ABCA10: variants seen among roughly 807,000 people sequenced by gnomAD.
ABCA10 encodes the protein ATP binding cassette subfamily A member 10.
ABCA10 carries 169 observed loss-of-function variants against 187.5 expected under a neutral mutation model. The ratio of observed to expected loss-of-function variants is 0.90; its 90% CI spans 0.80 to 1.02. ABCA10 has a LOEUF of 1.02. Among genes scored for constraint, ABCA10 ranks in the 50% least tolerant of loss-of-function variants. The pLI is 0.00. For missense variants in ABCA10, 1,727 were observed against 1,812.4 expected, an observed-to-expected ratio of 0.95 and a Z score of 0.86; for synonymous variants, 574 against 601.8, an observed-to-expected ratio of 0.95 and a Z score of 0.68.
At chr17:69,230,856 TTTA>T (rs1395254194), upstream of ABCA10, among the ~76,000 whole-genome samples, 3 of 152,188 alleles carry the variant, frequency 2.0e-5, no homozygotes, top group South Asian at 2.1e-4. Flanking sequence ...CTCTTTTTAT[TTTA>T]TTGTTAATTT....
At chr17:69,174,862 T>G in intron 23 of ABCA10, 85 bp from the exon 24 acceptor site, 1 of 1,240,246 alleles carries the variant, frequency 8.1e-7, no homozygotes, top group Non-Finnish European at 1.1e-6. Flanking sequence ...TTAATAAATT[T>G]TAGAAATAGT....
At chr17:69,226,047 G>A (rs1305934364) in intron 2 of ABCA10, among the ~76,000 whole-genome samples, 1 of 152,066 alleles carries the variant, frequency 6.6e-6, no homozygotes, top group South Asian at 2.1e-4. Flanking sequence ...AAGACATTTT[G>A]GGGGAAATTT....
intron 22 of ABCA10, among the ~76,000 whole-genome samples, chr17:69,180,023 T>C (rs2074367188): frequency 6.6e-6 from 1 of 152,234 alleles, no homozygotes; most frequent in African/African-American, 2.4e-5. Flanking sequence ...AAAGGCTAAC[T>C]GTAACATGCT....
At chr17:69,156,788 A>G (rs182833512) in intron 28 of ABCA10, 44 bp downstream of exon 28, 15 of 1,159,722 alleles carry the variant, frequency 1.3e-5, no homozygotes, top group African/African-American at 1.1e-4. Flanking sequence ...TAAAAAGACT[A>G]AATATTTAGA....
rs779344518 is a variant in ABCA10 at position 69,219,786 on chromosome 17, T to C, written c.304-15A>G. On this transcript the variant is annotated splice_polypyrimidine_tract_variant and intron_variant, in intron 5 of 38. Coordinates refer to ENST00000690296, the MANE Select transcript of ABCA10 (RefSeq NM_001377321.1). ...TTTGTTGTGACCTAAATTGGGACAT[T>C]AGCAAATTTATTATGTGAACTATAG... is the stretch of plus-strand genomic sequence containing the variant. 2 of 1,502,046 alleles carry C rather than the reference T, an allele frequency of 1.3e-6. No individual in the cohort carries two copies. The highest frequency in any genetic ancestry group is 2.8e-5 in the African/African-American group (2 of 71,318). The allele number at this position is 1,502,046 out of a possible 1,614,324, so 93.0% of individuals were successfully genotyped here.
intron 19 of ABCA10, among the ~76,000 whole-genome samples, chr17:69,185,975 CT>C (rs1350896495): frequency 2.6e-5 from 4 of 152,128 alleles, no homozygotes; most frequent in Non-Finnish European, 5.9e-5. Context: ...TGCTTGGGTA[CT>C]TTTGATGAGA....
intron 1 of ABCA10, among the ~76,000 whole-genome samples, chr17:69,238,531 G>T (rs975544746): frequency 1.3e-5 from 2 of 152,190 alleles, no homozygotes; most frequent in Non-Finnish European, 2.9e-5. Context: ...TAGGATTTTA[G>T]TTATTATCTA....
chr17:69,192,788 G>T, intron 15 of ABCA10, 135 bp from the exon 16 acceptor site: 1 of 784,950 alleles, frequency 1.3e-6, no homozygotes, highest in Non-Finnish European at 2.0e-6. Context: ...GCCCCTGGGT[G>T]CAGTATCATT....
At chr17:69,187,182 C>T (rs2074428021) in intron 19 of ABCA10, among the ~76,000 whole-genome samples, 1 of 152,124 alleles carries the variant, frequency 6.6e-6, no homozygotes, top group Non-Finnish European at 1.5e-5. Flanking sequence ...TCAGCTGAAA[C>T]CAATATGGCC....
rs1227451701 is a variant in ABCA10 at position 69,197,061 on chromosome 17, T to C, written c.1234+3A>G. ...GAGAGGGAGAGGGAGTTTTTCTTTT[T>C]ACCTTGCAATGCTTCTACTTTTCCA... On this transcript the variant is annotated splice_donor_region_variant and intron_variant, in intron 11 of 38. Coordinates refer to ENST00000690296, the MANE Select transcript of ABCA10 (RefSeq NM_001377321.1). 7.0e-6 allele frequency: 11 copies of C among 1,568,910 alleles called. No individual in the cohort carries two copies. The highest frequency in any genetic ancestry group is 2.3e-5 in the East Asian group (1 of 44,338).
At chr17:69,225,927 G>A (rs552818060) in intron 2 of ABCA10, among the ~76,000 whole-genome samples, 1 of 152,004 alleles carries the variant, frequency 6.6e-6, no homozygotes, top group East Asian at 1.9e-4. Flanking sequence ...AGATGATAAA[G>A]GGATGACTTA....
chr17:69,195,206 T>A (rs2074489011), intron 11 of ABCA10, among the ~76,000 whole-genome samples: 1 of 152,134 alleles, frequency 6.6e-6, no homozygotes, highest in African/African-American at 2.4e-5. Context: ...GGAATTAGAT[T>A]GTCAGAGCGT....
intron 9 of ABCA10, among the ~76,000 whole-genome samples, chr17:69,210,764 G>T (rs2074637723): frequency 6.7e-6 from 1 of 149,182 alleles, no homozygotes; most frequent in African/African-American, 2.5e-5. Context: ...CCTTCTTATG[G>T]ATGAGTAGTA....
chr17:69,214,644 A>G, intron 9 of ABCA10, 60 bp downstream of exon 9: 1 of 1,318,166 alleles, frequency 7.6e-7, no homozygotes, highest in Non-Finnish European at 1.0e-6. Flanking sequence ...ACAGATATTA[A>G]TACATGTTTT....
chr17:69,224,928 A>G (rs2074781296), intron 3 of ABCA10, among the ~76,000 whole-genome samples: 1 of 152,150 alleles, frequency 6.6e-6, no homozygotes, highest in African/African-American at 2.4e-5. Flanking sequence ...TTCAATCTCA[A>G]TTGAAAATAA....
intron 5 of ABCA10, among the ~76,000 whole-genome samples, chr17:69,220,230 A>T (rs1016466244): frequency 1.5e-4 from 23 of 150,818 alleles, no homozygotes; most frequent in African/African-American, 5.6e-4. Context: ...TTCCTAAACA[A>T]AGATTGGGGG....
At chr17:69,196,745 C>T (rs1354651133) in intron 11 of ABCA10, among the ~76,000 whole-genome samples, 1 of 152,246 alleles carries the variant, frequency 6.6e-6, no homozygotes, top group Non-Finnish European at 1.5e-5. Context: ...GTGAGCGAGA[C>T]TCCGTCTGCA....
At chr17:69,189,625 G>C (rs1030510093) in intron 18 of ABCA10, among the ~76,000 whole-genome samples, 3 of 152,076 alleles carry the variant, frequency 2.0e-5, no homozygotes, top group African/African-American at 7.2e-5. Flanking sequence ...GTATTTTGTA[G>C]GTTTTCTTCT....
At chr17:69,167,639 G>A (rs948500818) in intron 25 of ABCA10, among the ~76,000 whole-genome samples, 1 of 152,110 alleles carries the variant, frequency 6.6e-6, no homozygotes, top group Non-Finnish European at 1.5e-5. Context: ...ATGGAAAGGA[G>A]GGTTTCCATT....
Sources: allele counts gnomAD v4.1 joint callset (sites outside exome capture counted in the v4.1 genomes callset), GRCh38; gene constraint gnomAD v4.1.1; transcripts MANE v1.5; gene names NCBI Gene and HGNC (gene_info 2026-07-23, HGNC 2026-07-21).